The following MECOM variants were observed in gnomAD, a reference collection of about 807,000 sequenced individuals.
MECOM encodes MDS1 and EVI1 complex locus.
A neutral mutation model predicts 116.3 loss-of-function variants in MECOM; 13 were observed. The observed-to-expected ratio is 0.11, with a 90% CI of 0.07 to 0.18. The LOEUF (loss-of-function observed/expected upper bound fraction) is 0.18, where lower values mean the gene tolerates loss of function less well. Ranked by LOEUF, MECOM falls within the 10% of genes least tolerant of loss-of-function variation. The pLI is 1.00. For synonymous variants in MECOM, 528 were observed against 535.2 expected, an observed-to-expected ratio of 0.99 and a Z score of 0.19; for missense variants, 1,299 against 1,509.0, an observed-to-expected ratio of 0.86 and a Z score of 2.31.
chr3:169,263,054 T>C (rs1170823231), intron 2 of MECOM, among the ~76,000 whole-genome samples: 1 of 128,864 alleles, frequency 7.8e-6, no homozygotes, highest in Non-Finnish European at 1.6e-5. Context: ...AAACTAGCTA[T>C]TTGTTGCCTT....
chr3:169,185,976 A>T (rs1459228185), intron 2 of MECOM, among the ~76,000 whole-genome samples: 1 of 152,102 alleles, frequency 6.6e-6, no homozygotes. Context: ...CTTTTATTGG[A>T]ATAAAGGAAT....
intron 12 of MECOM, 121 bp from the exon 13 acceptor site, chr3:169,095,366 G>A: frequency 1.4e-6 from 1 of 714,966 alleles, no homozygotes; most frequent in Non-Finnish European, 2.2e-6. Context: ...AAAAGGCACA[G>A]GGAGAATACT....
At chr3:169,535,678 AT>A (rs1759267381) in intron 1 of MECOM, among the ~76,000 whole-genome samples, 1 of 152,184 alleles carries the variant, frequency 6.6e-6, no homozygotes. Flanking sequence ...TTTATAGCCT[AT>A]CCCATCTGGA....
chr3:169,485,029 C>T (rs1751941195), intron 1 of MECOM, among the ~76,000 whole-genome samples: 1 of 152,144 alleles, frequency 6.6e-6, no homozygotes, highest in Non-Finnish European at 1.5e-5. Context: ...GAGTTTCACT[C>T]TTTCACCCAA....
intron 2 of MECOM, among the ~76,000 whole-genome samples, chr3:169,202,445 T>A (rs1462190840): frequency 6.6e-6 from 1 of 152,112 alleles, no homozygotes; most frequent in African/African-American, 2.4e-5. Context: ...CAGAATGTTT[T>A]CCTTCCTAGA....
chr3:169,486,259 T>C (rs1347017178), intron 1 of MECOM, among the ~76,000 whole-genome samples: 2 of 151,588 alleles, frequency 1.3e-5, no homozygotes, highest in Non-Finnish European at 2.9e-5. Context: ...TTAATAATAG[T>C]AGAAGTTTAC....
chr3:169,369,920 A>G (rs1364690384), intron 2 of MECOM, among the ~76,000 whole-genome samples: 1 of 151,978 alleles, frequency 6.6e-6, no homozygotes. Flanking sequence ...CTACACATCA[A>G]AGACAATCTT....
chr3:169,641,056 C>A (rs1773421848), intron 1 of MECOM, among the ~76,000 whole-genome samples: 1 of 152,188 alleles, frequency 6.6e-6, no homozygotes, highest in Non-Finnish European at 1.5e-5. Context: ...GGGCAGAAGT[C>A]TTTTCACATT....
chr3:169,100,841 A>G (rs1723341558), intron 12 of MECOM, 44 bp downstream of exon 12: 2 of 1,137,458 alleles, frequency 1.8e-6, no homozygotes, highest in African/African-American at 1.6e-5. Context: ...AACTTTAATT[A>G]TTACAATATT....
At chr3:169,586,262 T>A (rs1333623996) in intron 1 of MECOM, among the ~76,000 whole-genome samples, 1 of 152,172 alleles carries the variant, frequency 6.6e-6, no homozygotes, top group Non-Finnish European at 1.5e-5. Context: ...TAGTTTAAAT[T>A]TTTTTACATT....
At chr3:169,166,800 TAAC>T (rs755802432) in intron 2 of MECOM, among the ~76,000 whole-genome samples, 1 of 152,102 alleles carries the variant, frequency 6.6e-6, no homozygotes, top group Admixed American at 6.6e-5. Context: ...GGCAAAAAAA[TAAC>T]AAAAATGTTA....
At chr3:169,262,054 C>A (rs188715250) in intron 2 of MECOM, among the ~76,000 whole-genome samples, 3 of 152,308 alleles carry the variant, frequency 2.0e-5, no homozygotes, top group East Asian at 3.9e-4. Flanking sequence ...CTGTGCCACG[C>A]CCCAATCTAG....
chr3:169,414,752 G>A (rs1738232137), intron 1 of MECOM, among the ~76,000 whole-genome samples: 2 of 152,102 alleles, frequency 1.3e-5, no homozygotes, highest in Non-Finnish European at 2.9e-5. Flanking sequence ...AGTATCAATA[G>A]CCCAATCAAT....
At chr3:169,170,551 T>C (rs1744266084) in intron 2 of MECOM, among the ~76,000 whole-genome samples, 1 of 152,200 alleles carries the variant, frequency 6.6e-6, no homozygotes, top group South Asian at 2.1e-4. Context: ...TCGTGGATGC[T>C]GAATATGTGT....
intron 1 of MECOM, among the ~76,000 whole-genome samples, chr3:169,508,700 T>A (rs1182833875): frequency 6.6e-6 from 1 of 152,172 alleles, no homozygotes; most frequent in Non-Finnish European, 1.5e-5. Context: ...AAAATAAAAT[T>A]ATTTTTTTCC....
intron 2 of MECOM, among the ~76,000 whole-genome samples, chr3:169,280,612 G>T (rs901086971): frequency 1.3e-5 from 2 of 152,170 alleles, no homozygotes; most frequent in African/African-American, 4.8e-5. Flanking sequence ...AGGGGTTGTG[G>T]CCACAGTGTA....
At chr3:169,341,607 G>A (rs1724542248) in intron 2 of MECOM, among the ~76,000 whole-genome samples, 1 of 151,800 alleles carries the variant, frequency 6.6e-6, no homozygotes, top group South Asian at 2.1e-4. Flanking sequence ...GGGCTTGGTG[G>A]CGCATGCCTG....
chr3:169,377,466 A>G (rs1731237425), intron 2 of MECOM, among the ~76,000 whole-genome samples: 1 of 152,214 alleles, frequency 6.6e-6, no homozygotes, highest in Non-Finnish European at 1.5e-5. Context: ...AACTTAAACA[A>G]ATTTACAAAT....
At chr3:169,410,191 C>G (rs1276512200) in intron 1 of MECOM, among the ~76,000 whole-genome samples, 1 of 152,196 alleles carries the variant, frequency 6.6e-6, no homozygotes, top group Non-Finnish European at 1.5e-5. Context: ...ATCAGAAAAA[C>G]AGTTGTGACA....
Sources: allele counts gnomAD v4.1 joint callset (sites outside exome capture counted in the v4.1 genomes callset), GRCh38; gene constraint gnomAD v4.1.1; transcripts MANE v1.5; gene names NCBI Gene and HGNC (gene_info 2026-07-23, HGNC 2026-07-21).